Variants in RELN observed in about 807,000 individuals in gnomAD.
RELN encodes the protein reelin.
A neutral mutation model predicts 427.6 loss-of-function variants in RELN; 108 were observed. The observed-to-expected ratio is 0.25, with a 90% confidence interval of 0.22 to 0.30. The LOEUF is 0.30. Ranked by LOEUF, RELN falls within the 10% of genes least tolerant of loss-of-function variation. The pLI is 1.00. For missense variants in RELN, 3,715 were observed against 4,302.8 expected, an observed-to-expected ratio of 0.86 and a Z score of 3.82; for synonymous variants, 1,524 against 1,513.4, an observed-to-expected ratio of 1.01 and a Z score of -0.16.
At chr7:103,634,572 C>G (rs925176079) in intron 19 of RELN, among the ~76,000 whole-genome samples, 1 of 151,956 alleles carries the variant, frequency 6.6e-6, no homozygotes, top group Non-Finnish European at 1.5e-5. Flanking sequence ...AATCTATATA[C>G]TAAAGAAAAA....
At chr7:103,924,954 A>T (rs1795693495) in intron 1 of RELN, among the ~76,000 whole-genome samples, 1 of 146,564 alleles carries the variant, frequency 6.8e-6, no homozygotes, top group Admixed American at 6.9e-5. Context: ...CCCTACAAGC[A>T]CTCTCTCTCT....
chr7:103,494,629 C>T (rs1321582019), intron 57 of RELN, among the ~76,000 whole-genome samples: 1 of 150,698 alleles, frequency 6.6e-6, no homozygotes, highest in Non-Finnish European at 1.5e-5. Context: ...AGAGATCCTT[C>T]CTCCTTGGCC....
Position 103,566,635 on chromosome 7 carries a change from A to T in RELN, c.4713T>A (p.Pro1571=), listed in dbSNP as rs546656701. ...SIDLPQDAKT[P]ATAFRWWQPQ... is the part of the protein sequence containing the mutation. Reference sequence around the variant, plus strand: ...GTTGCCACCATCGAAATGCCGTTGCAGGTGTCTTCGCGTCCTGTGGCAGGT... The same window carrying T: ...GTTGCCACCATCGAAATGCCGTTGCTGGTGTCTTCGCGTCCTGTGGCAGGT... The change falls in exon 32 of 65, where the codon CCT becomes CCA. Residue 1571 remains proline, a synonymous_variant. Coordinates refer to ENST00000428762, the MANE Select transcript of RELN (RefSeq NM_005045.4). 1.2e-6 allele frequency: 2 copies of T among 1,614,210 alleles called. No homozygotes were observed. The highest frequency in any genetic ancestry group is 4.5e-5 in the East Asian group (2 of 44,892).
intron 4 of RELN, among the ~76,000 whole-genome samples, chr7:103,773,210 TCTCTCTCC>T (rs1791633613): frequency 7.6e-6 from 1 of 130,842 alleles, no homozygotes; most frequent in Non-Finnish European, 1.6e-5. Flanking sequence ...TCTCTCTCTC[TCTCTCTCC>T]CTCCCTCCCT....
intron 3 of RELN, among the ~76,000 whole-genome samples, chr7:103,829,854 A>T (rs1309114990): frequency 2.0e-5 from 3 of 151,998 alleles, no homozygotes; most frequent in South Asian, 2.1e-4. Context: ...CGGGATTTTT[A>T]AAAAAGGATT....
intron 3 of RELN, among the ~76,000 whole-genome samples, chr7:103,784,351 T>C (rs1488936574): frequency 1.3e-5 from 2 of 152,046 alleles, no homozygotes; most frequent in East Asian, 3.8e-4. Context: ...GATTAAAAAA[T>C]TCCTCAGCAG....
intron 46 of RELN, among the ~76,000 whole-genome samples, chr7:103,529,100 C>T (rs1562873446): frequency 6.6e-6 from 1 of 151,482 alleles, no homozygotes; most frequent in Non-Finnish European, 1.5e-5. Context: ...CACACCACTG[C>T]ACTCTAGCCT....
intron 19 of RELN, among the ~76,000 whole-genome samples, chr7:103,632,590 C>T (rs34196791): frequency 0.036 from 5,441 of 152,192 alleles, 157 homozygotes; most frequent in East Asian, 0.14. Context: ...CCACTCTTTG[C>T]AAGTTATAGT....
chr7:103,512,005 T>A (rs1027196002), intron 50 of RELN, among the ~76,000 whole-genome samples: 1 of 152,154 alleles, frequency 6.6e-6, no homozygotes, highest in African/African-American at 2.4e-5. Flanking sequence ...TGTTGGGGGG[T>A]TGCTGTTTAG....
chr7:103,677,119 G>A (rs572654347), intron 11 of RELN, among the ~76,000 whole-genome samples: 14 of 152,064 alleles, frequency 9.2e-5, no homozygotes, highest in South Asian at 6.3e-4. Context: ...GCAGGGACAC[G>A]GATGAAGCTG....
At chr7:103,927,572 G>A (rs1795773014) in intron 1 of RELN, among the ~76,000 whole-genome samples, 1 of 152,072 alleles carries the variant, frequency 6.6e-6, no homozygotes, top group Non-Finnish European at 1.5e-5. Flanking sequence ...AAGTATAAAA[G>A]ATGAAATAAA....
rs1584250680 is a variant in RELN at position 103,800,679 on chromosome 7, T to A, written c.474-24052A>T. Among the ~76,000 whole-genome samples the A allele has an allele frequency of 4.6e-5, 7 of 152,248 alleles. No homozygotes were observed. The Middle Eastern group carries it at 0.017, about 370-fold the overall frequency. ...CAGGACATAGGCATGGGCAAGGACTTCATGTCTAAAACACCAAAAGCAATG... is the reference window on the plus strand; with the variant it reads ...CAGGACATAGGCATGGGCAAGGACTACATGTCTAAAACACCAAAAGCAATG... On this transcript the variant is annotated intron_variant, in intron 3 of 64. Transcript: ENST00000428762.
chr7:103,541,159 G>A lies in RELN; in HGVS notation c.6672-704C>T, dbSNP rs183300214. Among the ~76,000 whole-genome samples the A allele has an allele frequency of 2.1e-3, 319 of 152,280 alleles. 2 individuals are homozygous for A. The highest frequency in any genetic ancestry group is 7.3e-3 in the African/African-American group (304 of 41,564). On this transcript the variant is annotated intron_variant, in intron 43 of 64. Transcript: ENST00000428762. ...TGGATGATACTGGCCACTGAGAATG[G>A]TGGCAGCCGGCCAGTGGCAGCGTTC...
chr7:103,835,457 G>C (rs1442434192), intron 2 of RELN, among the ~76,000 whole-genome samples: 28 of 152,168 alleles, frequency 1.8e-4, no homozygotes, highest in Non-Finnish European at 5.9e-5. Flanking sequence ...GAGCAGTAAT[G>C]ATGTGTCGAT....
intron 6 of RELN, among the ~76,000 whole-genome samples, chr7:103,747,866 G>C (rs1382101562): frequency 6.6e-6 from 1 of 151,270 alleles, no homozygotes; most frequent in Admixed American, 6.6e-5. Flanking sequence ...CCATAACTTT[G>C]GTCAAGAAAG....
intron 42 of RELN, among the ~76,000 whole-genome samples, chr7:103,544,737 A>G (rs1006636616): frequency 1.3e-5 from 2 of 152,222 alleles, no homozygotes; most frequent in Non-Finnish European, 2.9e-5. Context: ...AAACTATAGA[A>G]AGTGATGAGA....
intron 3 of RELN, among the ~76,000 whole-genome samples, chr7:103,830,910 T>C (rs1793258588): frequency 6.6e-6 from 1 of 152,126 alleles, no homozygotes. Flanking sequence ...CAAAATTTTA[T>C]TGAGAGATAT....
intron 2 of RELN, among the ~76,000 whole-genome samples, chr7:103,875,889 A>T (rs1794466553): frequency 6.6e-6 from 1 of 152,116 alleles, no homozygotes; most frequent in South Asian, 2.1e-4. Flanking sequence ...TTCTGAAGAG[A>T]TTCAAGAGGC....
At chr7:103,627,608 G>A (rs1006724976) in intron 20 of RELN, among the ~76,000 whole-genome samples, 4 of 149,804 alleles carry the variant, frequency 2.7e-5, no homozygotes, top group African/African-American at 9.7e-5. Context: ...TCACCACCAG[G>A]GTATACTCTC....
Sources: gnomAD v4.1 joint callset for allele counts (sites outside exome capture counted in the v4.1 genomes callset) on GRCh38, gnomAD v4.1.1 for gene constraint, MANE v1.5 for transcripts, NCBI Gene and HGNC (gene_info 2026-07-23, HGNC 2026-07-21) for gene names.